The following NAV1 variants were observed in gnomAD, a reference collection of about 807,000 sequenced individuals.
NAV1 encodes the protein pore membrane and/or filament interacting like protein 3.
Under a neutral mutation model 175.2 loss-of-function variants are expected in NAV1, and 18 were observed. That is an observed-to-expected ratio of 0.10 (90% confidence interval 0.07 to 0.15). NAV1 has a LOEUF of 0.15. Ranked by LOEUF, NAV1 falls within the 10% of genes least tolerant of loss-of-function variation. The pLI, the probability that NAV1 is intolerant of heterozygous loss-of-function variation, is 1.00. For missense variants in NAV1, 1,731 were observed against 2,436.6 expected, an observed-to-expected ratio of 0.71 and a Z score of 6.10; for synonymous variants, 897 against 978.7, an observed-to-expected ratio of 0.92 and a Z score of 1.56.
chr1:201,655,322 AG>A (rs939195111), intron 1 of NAV1, among the ~76,000 whole-genome samples: 27 of 152,334 alleles, frequency 1.8e-4, no homozygotes, highest in African/African-American at 6.5e-4. Context: ...CCAGCCAACA[AG>A]GGGAAATGGA....
chr1:201,796,148 T>A (rs1244866195), intron 15 of NAV1: 3 of 152,204 alleles, frequency 2.0e-5, no homozygotes, highest in Non-Finnish European at 4.4e-5. Context: ...TGTACAAGTT[T>A]GTGTGTGGAC....
At chr1:201,663,863 G>A (rs528330192) in intron 1 of NAV1, among the ~76,000 whole-genome samples, 35 of 152,112 alleles carry the variant, frequency 2.3e-4, no homozygotes, top group Admixed American at 1.4e-3. Flanking sequence ...TTCTGAGCCA[G>A]AGGAGCCCAG....
At chr1:201,569,057 G>A (rs1030211418) in intron 1 of NAV1, among the ~76,000 whole-genome samples, 2 of 152,146 alleles carry the variant, frequency 1.3e-5, no homozygotes, top group African/African-American at 4.8e-5. Context: ...GGAGAAGCGT[G>A]TTTCCTTCCT....
At chr1:201,639,381 G>A (rs1057045448) in intron 2 of NAV1, among the ~76,000 whole-genome samples, 5 of 152,172 alleles carry the variant, frequency 3.3e-5, no homozygotes, top group Non-Finnish European at 5.9e-5. Context: ...TTTAAAAGAA[G>A]GAAGGTCTCA....
rs35104482 is a variant in NAV1 at position 201,650,257 on chromosome 1, C to CAA, written c.757+838_757+839dup. Among the ~76,000 whole-genome samples the CAA allele has an allele frequency of 1.5e-3, 226 of 152,086 alleles. 2 individuals carry two copies. Among genetic ancestry groups the CAA allele is most frequent in the African/African-American group, 5.2e-3 (215 of 41,532 alleles). On this transcript the variant is annotated intron_variant, in intron 1 of 29. Coordinates refer to ENST00000367296, the Ensembl canonical transcript of NAV1. Reference sequence around the variant, plus strand: ...GTTCTCCGTGCCTGAAGAGTCTATGCAAAAAAACCCGAAGCGGGCCCCGGA... The same window carrying CAA: ...GTTCTCCGTGCCTGAAGAGTCTATGCAAAAAAAAACCCGAAGCGGGCCCCGGA...
At chr1:201,755,429 A>G (rs1009551558) in intron 3 of NAV1, among the ~76,000 whole-genome samples, 1 of 152,228 alleles carries the variant, frequency 6.6e-6, no homozygotes, top group Non-Finnish European at 1.5e-5. Flanking sequence ...CTCAAAAAAA[A>G]GAAGAAAGAG....
chr1:201,593,695 G>C (rs1374016932), intron 2 of NAV1, among the ~76,000 whole-genome samples: 5 of 152,174 alleles, frequency 3.3e-5, no homozygotes, highest in African/African-American at 1.2e-4. Context: ...CATGGGGGAA[G>C]GGAAGGGGGC....
intron 1 of NAV1, among the ~76,000 whole-genome samples, chr1:201,681,528 A>G (rs549932091): frequency 6.6e-6 from 1 of 152,318 alleles, no homozygotes; most frequent in East Asian, 1.9e-4. Flanking sequence ...CCATGTGGGA[A>G]CATTGCTTCC....
At chr1:201,651,527 C>T (rs577458297) in intron 1 of NAV1, among the ~76,000 whole-genome samples, 9 of 152,200 alleles carry the variant, frequency 5.9e-5, no homozygotes, top group African/African-American at 1.9e-4. Context: ...TCAGTAACCT[C>T]GGAAGTGAGG....
At chr1:201,817,472 TA>T (rs951970368) in intron 29 of NAV1, among the ~76,000 whole-genome samples, 187 bp downstream of exon 33, 3 of 151,064 alleles carry the variant, frequency 2.0e-5, no homozygotes, top group South Asian at 2.1e-4. Context: ...AAAAATAAGT[TA>T]AAAAAAAACC....
intron 1 of NAV1, among the ~76,000 whole-genome samples, chr1:201,665,026 C>A (rs1467881323): frequency 6.6e-6 from 1 of 152,186 alleles, no homozygotes; most frequent in African/African-American, 2.4e-5. Flanking sequence ...TCTCTAAACA[C>A]CGCCCAGATT....
chr1:201,824,940 A>T (rs1319513466), exon 30 of NAV1: 2 of 152,104 alleles, frequency 1.3e-5, no homozygotes, highest in Non-Finnish European at 2.9e-5. Context: ...CACTAAATTC[A>T]ACTGTTTTAA....
intron 1 of NAV1, among the ~76,000 whole-genome samples, chr1:201,703,565 G>A (rs952988502): frequency 6.6e-6 from 1 of 152,324 alleles, no homozygotes; most frequent in South Asian, 2.1e-4. Context: ...CCTCCGCATG[G>A]ACCACCCTTG....
chr1:201,657,950 T>C (rs901048518), intron 1 of NAV1, among the ~76,000 whole-genome samples: 3 of 152,102 alleles, frequency 2.0e-5, no homozygotes, highest in Non-Finnish European at 4.4e-5. Context: ...GAAGGATCAC[T>C]TGAGCCCGGG....
At chr1:201,736,159 G>A (rs1028505028) in intron 3 of NAV1, among the ~76,000 whole-genome samples, 1 of 152,194 alleles carries the variant, frequency 6.6e-6, no homozygotes, top group African/African-American at 2.4e-5. Context: ...TTTTCCATCT[G>A]AGGAATGAAA....
chr1:201,811,409 G>A (rs1440161289), intron 24 of NAV1, among the ~76,000 whole-genome samples, 194 bp from the exon 29 acceptor site: 2 of 152,158 alleles, frequency 1.3e-5, no homozygotes, highest in East Asian at 3.8e-4. Context: ...AGGGGCTGCT[G>A]CTTAAGAGGG....
upstream of NAV1, among the ~76,000 whole-genome samples, chr1:201,644,238 T>C (rs1388110474): frequency 6.6e-6 from 1 of 152,216 alleles, no homozygotes; most frequent in Non-Finnish European, 1.5e-5. Context: ...CCTGTCATTC[T>C]AGAGAAGGGG....
chr1:201,541,864 C>T (rs1232981979), intron 1 of NAV1, among the ~76,000 whole-genome samples: 2 of 152,116 alleles, frequency 1.3e-5, no homozygotes, highest in African/African-American at 4.8e-5. Context: ...CAGTTTGGGC[C>T]CAGTAGAAAG....
At chr1:201,785,279 TC>T (rs1558162959) in intron 7 of NAV1, 30 bp from the exon 12 acceptor site, 2 of 1,472,418 alleles carry the variant, frequency 1.4e-6, no homozygotes, top group Non-Finnish European at 1.8e-6. Flanking sequence ...TCTCTCTCTC[TC>T]TCTTTTTTTT....
Sources: allele counts gnomAD v4.1 joint callset (sites outside exome capture counted in the v4.1 genomes callset), GRCh38; gene constraint gnomAD v4.1.1; transcripts MANE v1.5; gene names NCBI Gene and HGNC (gene_info 2026-07-23, HGNC 2026-07-21).